LRRC4C: variants seen among roughly 807,000 people sequenced by gnomAD.
The protein encoded by LRRC4C is leucine-rich repeat-containing protein 4C.
A neutral mutation model predicts 33.6 loss-of-function variants in LRRC4C; 5 were observed. The ratio of observed to expected loss-of-function variants is 0.15; its 90% confidence interval spans 0.08 to 0.31. The LOEUF is 0.31. Ranked by LOEUF, LRRC4C falls within the 10% of genes least tolerant of loss-of-function variation. The pLI, the probability that LRRC4C is intolerant of heterozygous loss-of-function variation, is 1.00. For synonymous variants in LRRC4C, 329 were observed against 302.0 expected (o/e 1.09, Z -0.93); for missense variants, 560 against 796.7 (o/e 0.70, Z 3.58).
intron 3 of LRRC4C, among the ~76,000 whole-genome samples, chr11:40,408,633 G>A (rs929004189): frequency 2.2e-4 from 33 of 151,810 alleles, no homozygotes; most frequent in African/African-American, 7.0e-4. Flanking sequence ...TGAATAGCCT[G>A]TTTTTATATG....
At chr11:40,389,461 G>A (rs1337067310) in intron 3 of LRRC4C, among the ~76,000 whole-genome samples, 1 of 93,720 alleles carries the variant, frequency 1.1e-5, no homozygotes, top group African/African-American at 4.3e-5. Context: ...ATAATCTCAT[G>A]TATGTCTCAA....
intron 2 of LRRC4C, among the ~76,000 whole-genome samples, chr11:40,910,602 G>A (rs1195049259): frequency 6.6e-6 from 1 of 152,338 alleles, no homozygotes; most frequent in Non-Finnish European, 1.5e-5. Flanking sequence ...AACAGCTCCA[G>A]TCTACAGCTC....
intron 4 of LRRC4C, among the ~76,000 whole-genome samples, chr11:40,251,725 A>G (rs1287145907): frequency 6.6e-6 from 1 of 152,172 alleles, no homozygotes; most frequent in East Asian, 1.9e-4. Context: ...CCTTGGCTCT[A>G]ATAAGTTACT....
At chr11:40,524,784 A>C (rs2135258270) in intron 3 of LRRC4C, among the ~76,000 whole-genome samples, 1 of 152,312 alleles carries the variant, frequency 6.6e-6, no homozygotes, top group African/African-American at 2.4e-5. Context: ...CTAGGCCTTT[A>C]AGACAGTAGG....
At chr11:40,936,695 A>G (rs1426609192) in intron 1 of LRRC4C, among the ~76,000 whole-genome samples, 1 of 152,118 alleles carries the variant, frequency 6.6e-6, no homozygotes, top group Non-Finnish European at 1.5e-5. Context: ...TGGTAACATC[A>G]TGTATTATTT....
chr11:40,995,098 T>C (rs1390997938), intron 1 of LRRC4C, among the ~76,000 whole-genome samples: 1 of 152,190 alleles, frequency 6.6e-6, no homozygotes, highest in Non-Finnish European at 1.5e-5. Flanking sequence ...ACTTAATGTG[T>C]GTTTTTGAGA....
chr11:41,413,516 C>T (rs1954569221), intron 1 of LRRC4C, among the ~76,000 whole-genome samples: 1 of 152,172 alleles, frequency 6.6e-6, no homozygotes. Context: ...CCATACATAA[C>T]TCTCTGACAT....
chr11:40,708,165 C>T (rs571727268), intron 2 of LRRC4C, among the ~76,000 whole-genome samples: 94 of 152,212 alleles, frequency 6.2e-4, no homozygotes, highest in African/African-American at 2.1e-3. Context: ...AAATCAACTC[C>T]TGGATTCACT....
At chr11:40,839,825 A>G (rs1410550980) in intron 2 of LRRC4C, among the ~76,000 whole-genome samples, 1 of 152,228 alleles carries the variant, frequency 6.6e-6, no homozygotes, top group Non-Finnish European at 1.5e-5. Context: ...GAATAAATCT[A>G]TAGATGACAT....
rs75693757 is a variant in LRRC4C at position 41,248,768 on chromosome 11, T to C, written c.-496+210663A>G. On this transcript the variant is annotated intron_variant, in intron 1 of 6. Coordinates refer to ENST00000528697, the MANE Select transcript of LRRC4C (RefSeq NM_001258419.2). Reference sequence around the variant, plus strand: ...ACAACTTTTAATTTGATAACTGTAATTGAAAGTTAATAAGTATCTTAAAAT... The same window carrying C: ...ACAACTTTTAATTTGATAACTGTAACTGAAAGTTAATAAGTATCTTAAAAT... 4.0e-3 allele frequency among the ~76,000 whole-genome samples: 603 copies of C among 152,298 alleles called. 5 individuals are homozygous for C. The highest frequency in any genetic ancestry group is 0.014 in the African/African-American group (562 of 41,564).
intron 3 of LRRC4C, among the ~76,000 whole-genome samples, chr11:40,605,843 C>T (rs886500890): frequency 3.9e-5 from 6 of 152,192 alleles, no homozygotes; most frequent in Non-Finnish European, 7.3e-5. Context: ...TCCCAACTCC[C>T]AGATGCTTTC....
In LRRC4C at chr11:40,115,675, C is replaced by T. The variant is rs775124868; in HGVS notation, c.618G>A (p.Met206Ile). 2.5e-6 allele frequency: 4 copies of T among 1,614,166 alleles called. No individual in the cohort carries two copies. Among genetic ancestry groups the T allele is most frequent in the Non-Finnish European group, 3.4e-6 (4 of 1,180,026 alleles). ...GGTTAGGGATTTCCCGAAGGTTGCACATGGCAAGGTTCAAATACCTCAAGT... is the reference window on the plus strand; with the variant it reads ...GGTTAGGGATTTCCCGAAGGTTGCATATGGCAAGGTTCAAATACCTCAAGT... ...LSNLRYLNLA[M>I]CNLREIPNLT... is the part of the protein sequence containing the mutation. The change falls in exon 7 of 7, where the codon ATG (methionine) becomes ATA (isoleucine). Residue 206 changes from methionine to isoleucine, a missense_variant. By Grantham distance (10) the Met-to-Ile change is conservative (BLOSUM62 1). Transcript: ENST00000528697. The surrounding 1 kb of genome is among the most constrained non-coding windows in gnomAD (Gnocchi z 6.7).
At chr11:40,204,098 A>T (rs1372474475) in intron 5 of LRRC4C, among the ~76,000 whole-genome samples, 1 of 152,024 alleles carries the variant, frequency 6.6e-6, no homozygotes, top group East Asian at 1.9e-4. Context: ...GATATTTTGT[A>T]GAGATGGGTG....
At chr11:40,263,925 T>A (rs1215746616) in intron 4 of LRRC4C, among the ~76,000 whole-genome samples, 1 of 152,192 alleles carries the variant, frequency 6.6e-6, no homozygotes, top group Non-Finnish European at 1.5e-5. Flanking sequence ...CCTGGGTTTC[T>A]GGAGGATTTT....
At chr11:40,476,342 CTTTTTTT>C (rs71308392) in intron 3 of LRRC4C, among the ~76,000 whole-genome samples, 10 of 81,356 alleles carry the variant, frequency 1.2e-4, no homozygotes, top group South Asian at 8.1e-4. Flanking sequence ...TTTTTTTCTT[CTTTTTTT>C]TTTTTTTTTT....
chr11:40,506,199 C>T (rs796668392), intron 3 of LRRC4C, among the ~76,000 whole-genome samples: 26 of 152,226 alleles, frequency 1.7e-4, no homozygotes, highest in African/African-American at 5.5e-4. Context: ...GTTTATTCAA[C>T]TTAATTCAAT....
chr11:40,958,144 A>T (rs1018458450), intron 1 of LRRC4C, among the ~76,000 whole-genome samples: 1 of 151,732 alleles, frequency 6.6e-6, no homozygotes, highest in African/African-American at 2.4e-5. Flanking sequence ...AGGCACCTCA[A>T]TAATAGAATC....
chr11:41,253,951 C>A (rs1272765578), intron 1 of LRRC4C, among the ~76,000 whole-genome samples: 1 of 152,018 alleles, frequency 6.6e-6, no homozygotes, highest in Non-Finnish European at 1.5e-5. Context: ...TAGAAATAAT[C>A]ATATTGCCAA....
chr11:41,198,607 GA>G (rs1403551799), intron 1 of LRRC4C, among the ~76,000 whole-genome samples: 1 of 124,114 alleles, frequency 8.1e-6, no homozygotes, highest in African/African-American at 2.6e-5. Flanking sequence ...ACAAGAACAA[GA>G]AATATAGAGG....
Sources: gnomAD v4.1 joint callset for allele counts (sites outside exome capture counted in the v4.1 genomes callset) on GRCh38, gnomAD v4.1.1 for gene constraint, Gnocchi (gnomAD v3.1) non-coding constraint, MANE v1.5 for transcripts, NCBI Gene and HGNC (gene_info 2026-07-23, HGNC 2026-07-21) for gene names.